Variants in C1S observed in about 807,000 individuals in gnomAD.
The protein encoded by C1S is complement C1s subcomponent.
In C1S, 31 loss-of-function variants were observed where a neutral mutation model predicts 54.0. The ratio of observed to expected loss-of-function variants is 0.57; its 90% CI spans 0.43 to 0.78. C1S has a LOEUF of 0.78. Among genes scored for constraint, C1S ranks in the 30% least tolerant of loss-of-function variants. The pLI is 0.00. For synonymous variants in C1S, 292 were observed against 303.6 expected (o/e 0.96, Z 0.40); for missense variants, 727 against 851.8 (o/e 0.85, Z 1.82).
intron 4 of C1S, 83 bp from the exon 5 acceptor site, chr12:7,064,184 C>G: frequency 6.8e-7 from 1 of 1,468,374 alleles, no homozygotes; most frequent in African/African-American, 1.4e-5. Flanking sequence ...CCTACTTTTT[C>G]TTACCCTTAT....
At position 7,070,422 on chromosome 12, in the gene C1S, C is replaced by T. The variant is rs1565625146; in HGVS notation, c.1838C>T (p.Thr613Ile). The part of the protein sequence containing the change: ...PTADAEAYVF[T>I]PNMICAGGEK... Reference sequence around the variant, plus strand: ...GCAGATGCAGAGGCCTATGTTTTCACTCCTAACATGATCTGTGCTGGAGGA... The same window carrying T: ...GCAGATGCAGAGGCCTATGTTTTCATTCCTAACATGATCTGTGCTGGAGGA... Residue 613 changes from threonine (T) to isoleucine (I), a missense_variant, in exon 12 of 12, where the codon ACT (threonine) becomes ATT (isoleucine). Transcript: ENST00000360817. The surrounding 1 kb of genome is among the most constrained non-coding windows in gnomAD (Gnocchi z 4.9). 6.2e-7 allele frequency: 1 copy of T among 1,614,246 alleles called. No homozygotes were observed.
intron 5 of C1S, among the ~76,000 whole-genome samples, chr12:7,064,633 C>G (rs782105153): frequency 6.6e-6 from 1 of 152,014 alleles, no homozygotes; most frequent in East Asian, 1.9e-4. Context: ...TTTTAGTGCA[C>G]TTGTTACTTG....
chr12:7,064,513 T>C, intron 5 of C1S, 121 bp downstream of exon 5: 1 of 884,662 alleles, frequency 1.1e-6, no homozygotes, highest in South Asian at 1.7e-5. Context: ...GCACTTCTTT[T>C]TTATTTTAGA....
chr12:7,070,355 C>G lies in C1S; in HGVS notation c.1771C>G (p.Pro591Ala). 6.2e-7 allele frequency: 1 copy of G among 1,614,216 alleles called. No homozygotes were observed. The change falls in exon 12 of 12, where the codon CCT (proline) becomes GCT (alanine). Residue 591 changes from proline (P) to alanine (A), a missense_variant. This residue lies in a region of C1S where 360 missense variants were observed against 453.6 expected (regional missense o/e 0.79). Transcript: ENST00000360817. This position sits in a 1 kb window ranked among gnomAD's most constrained non-coding sequence, Gnocchi z 4.9. ...RLKAARLPVA[P>A]LRKCKEVKVE... ...CAAGGCGGCAAGGTTACCTGTAGCT[C>G]CTTTAAGAAAATGCAAAGAAGTGAA...
At chr12:7,068,973 A>G (rs1349283430) in intron 11 of C1S, 2 of 214,794 alleles carry the variant, frequency 9.3e-6, no homozygotes, top group African/African-American at 4.5e-5. Context: ...GGCAAATCCA[A>G]TAGGATAATA....
At chr12:7,065,636 C>T (rs1947164427) in intron 6 of C1S, among the ~76,000 whole-genome samples, 181 bp from the exon 7 acceptor site, 1 of 152,072 alleles carries the variant, frequency 6.6e-6, no homozygotes. Context: ...TCCCAAAGTG[C>T]TGGGATTATA....
intron 7 of C1S, chr12:7,066,301 C>G: frequency 1.6e-6 from 1 of 639,252 alleles, no homozygotes; most frequent in Non-Finnish European, 2.8e-6. Context: ...GCCTCAACCT[C>G]TAGTAATCCT....
At chr12:7,067,327 G>C in intron 9 of C1S, 1 of 638,934 alleles carries the variant, frequency 1.6e-6, no homozygotes, top group Non-Finnish European at 2.8e-6. Context: ...TTCCAAGAAA[G>C]GGGCTATGGG....
At chr12:7,064,047 C>CACACACACACACACACACA (rs782576639) in intron 4 of C1S, 11 of 602,820 alleles carry the variant, frequency 1.8e-5, no homozygotes, top group East Asian at 1.4e-4. Flanking sequence ...CACACACACA[C>CACACACACACACACACACA]CCCCGAGCTT....
Position 7,065,116 on chromosome 12 carries a change from T to G in C1S, c.534T>G (p.Asp178Glu). 6.2e-7 allele frequency: 1 copy of G among 1,613,122 alleles called. No homozygotes were observed. The highest frequency in any genetic ancestry group is 1.1e-5 in the South Asian group (1 of 91,048). ...MKNCGVNCSG[D>E]VFTALIGEIA... ...CTCTGTTAGTTAATTGCAGTGGGGA[T>G]GTATTCACTGCACTGATTGGGGAGA... Residue 178 changes from aspartate to glutamate, a missense_variant, in exon 6 of 12, where the codon GAT becomes GAG. This residue lies in a region of C1S where 357 missense variants were observed against 365.4 expected (regional missense o/e 0.98). Coordinates refer to ENST00000360817, the MANE Select transcript of C1S (RefSeq NM_001734.5).
rs781997971 is a variant in C1S at position 7,068,516 on chromosome 12, C to T, written c.1256C>T (p.Pro419Leu). ...WVNEVLGPELPKCVPVCGVPR... is the reference protein window; with the variant it reads ...WVNEVLGPELLKCVPVCGVPR... ...AATGAGGTGCTGGGCCCGGAGCTGC[C>T]GAAATGTGTTCCAGGTAAGGAGGGC... Residue 419 changes from proline to leucine, a missense_variant, in exon 11 of 12, where the codon CCG (proline) becomes CTG (leucine). By Grantham distance (98) the Pro-to-Leu change is moderately conservative (BLOSUM62 -3). Transcript: ENST00000360817. 1.9e-6 allele frequency: 3 copies of T among 1,613,008 alleles called. No individual in the cohort carries two copies. Among genetic ancestry groups the T allele is most frequent in the South Asian group, 1.1e-5 (1 of 91,022 alleles).
chr12:7,061,666 A>C, intron 1 of C1S, 173 bp from the exon 2 acceptor site: 1 of 598,034 alleles, frequency 1.7e-6, no homozygotes, highest in East Asian at 2.9e-5. Context: ...CTAGAAAGTT[A>C]GTCGAAGTTA....
At chr12:7,062,863 A>AT (rs35839283) in intron 3 of C1S, 27 bp from the exon 4 acceptor site, 2,133 of 1,473,168 alleles carry the variant, frequency 1.4e-3, no homozygotes, top group Non-Finnish European at 1.6e-3. Context: ...CCTTTCCTAG[A>AT]TTTTTTTTTT....
Position 7,062,940 on chromosome 12 carries a change from T to C in C1S, c.264T>C (p.Ser88=). 1 of 1,614,138 alleles carries C rather than the reference T, an allele frequency of 6.2e-7. No homozygotes were observed. Among genetic ancestry groups the C allele is most frequent in the Non-Finnish European group, 8.5e-7 (1 of 1,179,980 alleles). Residue 88 remains serine, a synonymous_variant, in exon 4 of 12, where the codon AGT becomes AGC. Transcript: ENST00000360817. The part of the protein sequence containing the change: ...EEGRLCGQRS[S]NNPHSPIVEE... ...GGAGGCTCTGTGGACAGAGGAGCAG[T>C]AACAATCCCCACTCTCCAATTGTGG...
Position 7,061,871 on chromosome 12 carries a change from C to T in C1S, c.-42C>T. On this transcript the variant is annotated 5_prime_UTR_variant, in exon 2 of 12. Coordinates refer to ENST00000360817, the MANE Select transcript of C1S (RefSeq NM_001734.5). ...AGTCCGGAGGTGCAGAAAGCCAGGACCAAGAGACAGGCAGCTCACCAGGGT... is the reference window on the plus strand; with the variant it reads ...AGTCCGGAGGTGCAGAAAGCCAGGATCAAGAGACAGGCAGCTCACCAGGGT... 1 of 1,613,538 alleles carries T rather than the reference C, an allele frequency of 6.2e-7. No homozygotes were observed. The highest frequency in any genetic ancestry group is 2.2e-5 in the East Asian group (1 of 44,860).
chr12:7,065,343 G>C (rs782707623), intron 6 of C1S, 44 bp downstream of exon 6: 1 of 1,480,914 alleles, frequency 6.8e-7, no homozygotes, highest in Non-Finnish European at 9.4e-7. Flanking sequence ...CTTACACAGA[G>C]AGATCTCTCC....
chr12:7,064,121 T>C (rs1565620523), intron 4 of C1S, 146 bp from the exon 5 acceptor site: 5 of 851,032 alleles, frequency 5.9e-6, no homozygotes, highest in Non-Finnish European at 1.0e-5. Flanking sequence ...TAATATGGAA[T>C]AATAGTAGCC....
At chr12:7,062,707 A>C in intron 3 of C1S, 25 bp downstream of exon 3, 1 of 1,601,450 alleles carries the variant, frequency 6.2e-7, no homozygotes, top group Non-Finnish European at 8.5e-7. Context: ...CAAAAAGAAT[A>C]GAGATGGAAG....
intron 5 of C1S, 43 bp from the exon 6 acceptor site, chr12:7,065,057 T>C: frequency 6.6e-7 from 1 of 1,507,668 alleles, no homozygotes; most frequent in Non-Finnish European, 9.2e-7. Flanking sequence ...ATTCCTTTGC[T>C]TGACCCTGTA....
Sources: allele counts gnomAD v4.1 joint callset (sites outside exome capture counted in the v4.1 genomes callset), GRCh38; gene constraint gnomAD v4.1.1; regional missense constraint gnomAD v4.1.1; non-coding constraint Gnocchi (gnomAD v3.1); transcripts MANE v1.5; gene names NCBI Gene and HGNC (gene_info 2026-07-23, HGNC 2026-07-21).